The following CPVL variants were observed in gnomAD, a reference collection of about 807,000 sequenced individuals.
CPVL encodes carboxypeptidase vitellogenic like, also known as probable serine carboxypeptidase CPVL.
CPVL carries 51 observed loss-of-function variants against 63.7 expected under a neutral mutation model. The ratio of observed to expected loss-of-function variants is 0.80; its 90% CI spans 0.64 to 1.01. The LOEUF is 1.01. Among genes scored for constraint, CPVL ranks in the 50% least tolerant of loss-of-function variants. The pLI, the probability that CPVL is intolerant of heterozygous loss-of-function variation, is 0.00. For missense variants in CPVL, 530 were observed against 573.1 expected, an observed-to-expected ratio of 0.92 and a Z score of 0.77; for synonymous variants, 195 against 206.0, an observed-to-expected ratio of 0.95 and a Z score of 0.46.
intron 6 of CPVL, among the ~76,000 whole-genome samples, chr7:29,087,551 C>A (rs999628754): frequency 6.6e-6 from 1 of 150,778 alleles, no homozygotes; most frequent in Non-Finnish European, 1.5e-5. Flanking sequence ...TTTACCTGAA[C>A]AAAATATTTC....
intron 7 of CPVL, among the ~76,000 whole-genome samples, chr7:29,077,415 G>A (rs1467719490): frequency 6.6e-6 from 1 of 152,132 alleles, no homozygotes; most frequent in African/African-American, 2.4e-5. Context: ...CTTTTGAAAT[G>A]AGACACAGCT....
chr7:29,098,461 T>C (rs12671175), intron 3 of CPVL, among the ~76,000 whole-genome samples: 34,318 of 152,116 alleles, frequency 0.23, 4,070 homozygotes, highest in East Asian at 0.38. Flanking sequence ...CATTCTTGAG[T>C]GTTAACAAAT....
At chr7:29,014,207 GTCTGGAAGA>G (rs1373357203) in intron 12 of CPVL, among the ~76,000 whole-genome samples, 2 of 152,020 alleles carry the variant, frequency 1.3e-5, no homozygotes, top group African/African-American at 4.8e-5. Context: ...CTTTGCCCCT[GTCTGGAAGA>G]TAGAGACAAA....
intron 12 of CPVL, among the ~76,000 whole-genome samples, chr7:29,020,348 G>C (rs1786838438): frequency 6.6e-6 from 1 of 152,152 alleles, no homozygotes; most frequent in Non-Finnish European, 1.5e-5. Context: ...ATTCAAATAT[G>C]CCCTTAATGG....
intron 5 of CPVL, among the ~76,000 whole-genome samples, chr7:29,153,204 A>G (rs150445319): frequency 6.6e-6 from 1 of 152,340 alleles, no homozygotes; most frequent in Non-Finnish European, 1.5e-5. Context: ...AGTGTTACAT[A>G]TCTAGACATA....
At chr7:29,151,147 C>T (rs1339897962), upstream of CPVL, among the ~76,000 whole-genome samples, 1 of 152,150 alleles carries the variant, frequency 6.6e-6, no homozygotes, top group African/African-American at 2.4e-5. Context: ...GAAGGGGCAC[C>T]TCCTAAGACT....
chr7:29,139,649 C>T (rs963313855), intron 1 of CPVL, among the ~76,000 whole-genome samples: 23 of 152,088 alleles, frequency 1.5e-4, no homozygotes, highest in Non-Finnish European at 2.6e-4. Context: ...CTGAAACAGA[C>T]GTCTCGGATT....
intron 12 of CPVL, among the ~76,000 whole-genome samples, chr7:29,006,719 C>G (rs1637474): frequency 0.84 from 127,647 of 152,206 alleles, 54,242 homozygotes; most frequent in African/African-American, 0.95. Context: ...TTAGAATACA[C>G]AGCATGCCAA....
chr7:29,116,483 G>A (rs530479355), intron 2 of CPVL, among the ~76,000 whole-genome samples: 1 of 152,284 alleles, frequency 6.6e-6, no homozygotes, highest in Non-Finnish European at 1.5e-5. Flanking sequence ...AAAGGAAAAG[G>A]TTTTCTTTGA....
chr7:29,145,144 C>A (rs1347458801), intron 1 of CPVL, among the ~76,000 whole-genome samples: 2 of 151,770 alleles, frequency 1.3e-5, no homozygotes, highest in Non-Finnish European at 2.9e-5. Context: ...TGTACTTTTC[C>A]AAAAGTGCTC....
At chr7:29,132,579 T>C (rs1790807289) in intron 1 of CPVL, among the ~76,000 whole-genome samples, 2 of 152,178 alleles carry the variant, frequency 1.3e-5, no homozygotes, top group South Asian at 2.1e-4. Flanking sequence ...TGAGGATTGC[T>C]GGGCAAGTCT....
intron 3 of CPVL, among the ~76,000 whole-genome samples, chr7:29,107,121 T>C (rs965358388): frequency 6.6e-6 from 1 of 152,236 alleles, no homozygotes; most frequent in Non-Finnish European, 1.5e-5. Flanking sequence ...ATGGCATCCT[T>C]TCCTCAGACT....
intron 11 of CPVL, among the ~76,000 whole-genome samples, chr7:29,033,491 G>A (rs1205151579): frequency 1.3e-5 from 2 of 152,178 alleles, no homozygotes; most frequent in Non-Finnish European, 2.9e-5. Context: ...CTTCTCCCCC[G>A]GTAGGGTGAC....
At chr7:29,148,702 C>T (rs1793122631), upstream of CPVL, 1 of 152,188 alleles carries the variant, frequency 6.6e-6, no homozygotes. Flanking sequence ...GTGTCAGGTT[C>T]TGTGCTAGAC....
At chr7:29,030,959 T>C (rs559138577) in intron 11 of CPVL, among the ~76,000 whole-genome samples, 200 bp from the exon 12 acceptor site, 1 of 152,344 alleles carries the variant, frequency 6.6e-6, no homozygotes, top group African/African-American at 2.4e-5. Context: ...CATAGTAATC[T>C]GCATAAAGGC....
At chr7:29,121,444 G>A (rs185925026) in intron 1 of CPVL, among the ~76,000 whole-genome samples, 17 of 152,120 alleles carry the variant, frequency 1.1e-4, no homozygotes, top group Non-Finnish European at 2.2e-4. Flanking sequence ...GGGATTATAG[G>A]AGTGAACCAC....
At chr7:29,065,621 G>A (rs900320265) in intron 10 of CPVL, among the ~76,000 whole-genome samples, 1 of 152,200 alleles carries the variant, frequency 6.6e-6, no homozygotes, top group African/African-American at 2.4e-5. Flanking sequence ...GGCTTTGGCA[G>A]TTTTGATTAT....
chr7:29,021,583 G>A (rs1210987150), intron 12 of CPVL, among the ~76,000 whole-genome samples: 1 of 152,012 alleles, frequency 6.6e-6, no homozygotes, highest in African/African-American at 2.4e-5. Context: ...AGGTAAATGA[G>A]AGATTCCCAG....
At chr7:29,078,829 G>A (rs1316452805) in intron 7 of CPVL, among the ~76,000 whole-genome samples, 1 of 152,078 alleles carries the variant, frequency 6.6e-6, no homozygotes, top group African/African-American at 2.4e-5. Context: ...TCAGTTCTTC[G>A]GTTGCAGCTT....
Sources: gnomAD v4.1 joint callset for allele counts (sites outside exome capture counted in the v4.1 genomes callset) on GRCh38, gnomAD v4.1.1 for gene constraint, MANE v1.5 for transcripts, NCBI Gene and HGNC (gene_info 2026-07-23, HGNC 2026-07-21) for gene names.